The following MRTFA variants were observed in gnomAD, a reference collection of about 807,000 sequenced individuals.
MRTFA encodes the protein myocardin-related transcription factor A.
A neutral mutation model predicts 83.5 loss-of-function variants in MRTFA; 20 were observed. That is an observed-to-expected ratio of 0.24 (90% CI 0.17 to 0.35). The LOEUF (loss-of-function observed/expected upper bound fraction) is 0.35, where lower values mean the gene tolerates loss of function less well. Among genes scored for constraint, MRTFA ranks in the 10% least tolerant of loss-of-function variants. The probability of loss-of-function intolerance (pLI) is 1.00; values close to 1 mark genes in which losing one functional copy is unlikely to be tolerated. For missense variants in MRTFA, 1,200 were observed against 1,224.7 expected (o/e 0.98, Z 0.30); for synonymous variants, 659 against 541.2 (o/e 1.22, Z -3.02).
chr22:40,518,773 C>T lies in MRTFA; in HGVS notation c.241+33333G>A, dbSNP rs865833524. 3.4e-5 allele frequency among the ~76,000 whole-genome samples: 4 copies of T among 116,266 alleles called. No homozygotes were observed. In the South Asian group the frequency reaches 9.0e-4, roughly 26 times the overall value. The allele number at this position is 116,266 out of a possible 152,430, so 76.3% of individuals were successfully genotyped here. The stretch of plus-strand genomic sequence containing the variant: ...TCATGCCACTGCACTCCAGCCTGGG[C>T]GACAGAGTGAGACTCTGTCTCCAAA... On this transcript the variant is annotated intron_variant, in intron 3 of 14. Transcript: ENST00000355630.
chr22:40,544,848 G>T (rs2055338718), intron 3 of MRTFA, among the ~76,000 whole-genome samples: 1 of 151,926 alleles, frequency 6.6e-6, no homozygotes, highest in Admixed American at 6.6e-5. Context: ...GAGGCAGGAG[G>T]AATATTTGAG....
chr22:40,601,977 G>C (rs1348056781), intron 1 of MRTFA, among the ~76,000 whole-genome samples: 2 of 152,170 alleles, frequency 1.3e-5, no homozygotes, highest in Non-Finnish European at 2.9e-5. Context: ...GAACATTCCA[G>C]TGATCCTGGC....
At chr22:40,556,834 C>T (rs929763690) in intron 2 of MRTFA, among the ~76,000 whole-genome samples, 1 of 152,180 alleles carries the variant, frequency 6.6e-6, no homozygotes, top group African/African-American at 2.4e-5. Flanking sequence ...CTTCTTTTAA[C>T]AGCAGCAGCC....
At chr22:40,547,762 G>A (rs890960139) in intron 3 of MRTFA, among the ~76,000 whole-genome samples, 4 of 151,278 alleles carry the variant, frequency 2.6e-5, no homozygotes, top group Admixed American at 6.6e-5. Flanking sequence ...GCTCAGGAAT[G>A]AGAATCACTT....
chr22:40,427,552 C>T (rs939307489), intron 7 of MRTFA, among the ~76,000 whole-genome samples: 45 of 152,258 alleles, frequency 3.0e-4, no homozygotes, highest in Non-Finnish European at 3.5e-4. Context: ...TGTCAGGGAT[C>T]GGATCTTGGG....
intron 3 of MRTFA, among the ~76,000 whole-genome samples, chr22:40,495,243 G>C (rs986954442): frequency 5.3e-5 from 8 of 151,560 alleles, no homozygotes; most frequent in African/African-American, 1.5e-4. Flanking sequence ...ACTTTAAAAA[G>C]TACACCGTCT....
At chr22:40,483,027 G>A (rs571415860) in intron 3 of MRTFA, among the ~76,000 whole-genome samples, 48 of 151,822 alleles carry the variant, frequency 3.2e-4, no homozygotes, top group Non-Finnish European at 6.0e-4. Flanking sequence ...ACTGTGCCAC[G>A]GCACTCCAGC....
Position 40,411,422 on chromosome 22 carries a change from C to T in MRTFA, c.3064G>A (p.Asp1022Asn). 5.7e-6 allele frequency: 9 copies of T among 1,573,746 alleles called. No homozygotes were observed. The highest frequency in any genetic ancestry group is 7.8e-6 in the Non-Finnish European group (9 of 1,152,304). ...CAGGAATCCCAGTGCAGCTGCAAAT[C>T]ATGGCCATCGAGGAAGTCTGTGGAG... is the stretch of plus-strand genomic sequence containing the variant. The change falls in exon 15 of 15, where the codon GAT becomes AAT. Residue 1022 changes from aspartate to asparagine, a missense_variant. Physicochemically the swap from Asp to Asn is conservative, Grantham distance 23. Coordinates refer to ENST00000355630, the MANE Select transcript of MRTFA (RefSeq NM_020831.6).
intron 4 of MRTFA, among the ~76,000 whole-genome samples, chr22:40,440,937 G>A (rs1182019713): frequency 1.3e-5 from 2 of 152,102 alleles, no homozygotes; most frequent in African/African-American, 4.8e-5. Context: ...CAACTACGAG[G>A]GCTGCATTCA....
At chr22:40,626,444 C>T (rs149832693) in intron 1 of MRTFA, among the ~76,000 whole-genome samples, 187 of 152,228 alleles carry the variant, frequency 1.2e-3, no homozygotes, top group African/African-American at 4.3e-3. Flanking sequence ...CGGTGCACAG[C>T]GCCGCGCCCG....
intron 12 of MRTFA, 70 bp from the exon 13 acceptor site, chr22:40,417,563 G>C (rs1014480256): frequency 1.2e-5 from 5 of 408,288 alleles, no homozygotes; most frequent in Non-Finnish European, 2.3e-5. Context: ...TGTAGGGGGC[G>C]GGGGGCGGGG....
At chr22:40,591,100 A>G (rs148646251) in intron 2 of MRTFA, among the ~76,000 whole-genome samples, 2,687 of 152,276 alleles carry the variant, frequency 0.018, 38 homozygotes, top group Non-Finnish European at 0.027. Context: ...GCGCCACTGC[A>G]CTCCAGCCTG....
intron 3 of MRTFA, among the ~76,000 whole-genome samples, chr22:40,527,728 C>T (rs999369188): frequency 2.7e-5 from 4 of 147,828 alleles, no homozygotes. Flanking sequence ...CACTGCACTC[C>T]AGCCTGGGTG....
rs772235322 is a variant in MRTFA, at chr22:40,420,445, C to A, written c.1313G>T (p.Gly438Val). The A allele has an allele frequency of 6.2e-7, 1 of 1,613,582 alleles. No homozygotes were observed. Among genetic ancestry groups the A allele is most frequent in the African/African-American group, 1.3e-5 (1 of 74,950 alleles). Residue 438 changes from glycine to valine, a missense_variant, in exon 11 of 15, where the codon GGC becomes GTC. By Grantham distance (109) the Gly-to-Val change is moderately radical (BLOSUM62 -3). Around this residue, in one of 2 missense-constraint regions of MRTFA, gnomAD observed 1,107 missense variants for 1,041.8 expected, o/e 1.06. Transcript: ENST00000355630. ...GTTGGCCGGCAGGGCTCCCGGCTTG[C>A]CAGTCAGTGAGGTGCTGTTCTGACG...
chr22:40,418,442 G>A lies in MRTFA; in HGVS notation c.2296C>T (p.His766Tyr). Residue 766 changes from histidine to tyrosine, a missense_variant, in exon 12 of 15, where the codon CAC (histidine) becomes TAC (tyrosine). His to Tyr is a moderately conservative substitution (Grantham distance 83, BLOSUM62 2). Coordinates refer to ENST00000355630, the MANE Select transcript of MRTFA (RefSeq NM_020831.6). ...TTATTGGTCACGGTGAGGACAAGGTGGGTCCCTGTGGAGTCGGTGATGAGG... is the reference window on the plus strand; with the variant it reads ...TTATTGGTCACGGTGAGGACAAGGTAGGTCCCTGTGGAGTCGGTGATGAGG... The A allele has an allele frequency of 6.2e-7, 1 of 1,614,042 alleles. No homozygotes were observed. Among genetic ancestry groups the A allele is most frequent in the Non-Finnish European group, 8.5e-7 (1 of 1,179,948 alleles).
At chr22:40,464,606 A>G (rs910271191) in intron 3 of MRTFA, among the ~76,000 whole-genome samples, 2 of 152,112 alleles carry the variant, frequency 1.3e-5, no homozygotes. Flanking sequence ...TTAAGTCTTC[A>G]GGTGTAGGGG....
At chr22:40,459,465 G>A (rs2053657590) in intron 4 of MRTFA, among the ~76,000 whole-genome samples, 2 of 151,900 alleles carry the variant, frequency 1.3e-5, no homozygotes, top group Non-Finnish European at 2.9e-5. Flanking sequence ...ATGGGAAAAT[G>A]CAATATTCTC....
intron 1 of MRTFA, among the ~76,000 whole-genome samples, chr22:40,608,204 G>A (rs542323218): frequency 1.6e-3 from 241 of 152,070 alleles, no homozygotes; most frequent in Non-Finnish European, 1.9e-3. Context: ...GGGACGGGAC[G>A]GTGTTTCACC....
chr22:40,522,427 G>T (rs1266146645), intron 3 of MRTFA: 1 of 152,198 alleles, frequency 6.6e-6, no homozygotes, highest in East Asian at 1.9e-4. Context: ...GTTATTACAT[G>T]AGTTCACACT....
Sources: gnomAD v4.1 joint callset for allele counts (sites outside exome capture counted in the v4.1 genomes callset) on GRCh38, gnomAD v4.1.1 for gene constraint, gnomAD v4.1.1 regional missense constraint, MANE v1.5 for transcripts, NCBI Gene and HGNC (gene_info 2026-07-23, HGNC 2026-07-21) for gene names.